ARHGAP21: variants seen among roughly 807,000 people sequenced by gnomAD.
ARHGAP21 encodes the protein Rho GTPase activating protein 21.
A neutral mutation model predicts 164.6 loss-of-function variants in ARHGAP21; 38 were observed. The observed-to-expected ratio is 0.23, with a 90% CI of 0.18 to 0.30. ARHGAP21 has a LOEUF of 0.30. ARHGAP21 is among the 10% of genes least tolerant of loss of function. The pLI is 1.00. For missense variants in ARHGAP21, 1,822 were observed against 2,370.7 expected (o/e 0.77, Z 4.81); for synonymous variants, 766 against 857.9 (o/e 0.89, Z 1.87).
chr10:24,652,565 C>G (rs1036740785), intron 4 of ARHGAP21, among the ~76,000 whole-genome samples: 1 of 152,100 alleles, frequency 6.6e-6, no homozygotes, highest in African/African-American at 2.4e-5. Context: ...GAATTACCTG[C>G]TAATAGTATA....
chr10:24,624,208 C>T (rs192648329), intron 7 of ARHGAP21, among the ~76,000 whole-genome samples: 40 of 151,986 alleles, frequency 2.6e-4, no homozygotes, highest in African/African-American at 9.2e-4. Flanking sequence ...TGAATTCATT[C>T]AAGAACATTT....
intron 2 of ARHGAP21, among the ~76,000 whole-genome samples, chr10:24,708,789 T>C (rs958902371): frequency 1.1e-4 from 16 of 152,238 alleles, no homozygotes; most frequent in Non-Finnish European, 2.4e-4. Flanking sequence ...TAGTATTCCA[T>C]GAATAGTCTT....
At chr10:24,615,353 G>A (rs947317016) in intron 9 of ARHGAP21, among the ~76,000 whole-genome samples, 1 of 152,146 alleles carries the variant, frequency 6.6e-6, no homozygotes, top group Non-Finnish European at 1.5e-5. Flanking sequence ...ATTTAGCTTA[G>A]GCTAACCCTC....
rs1364979625 is a variant in ARHGAP21 at position 24,600,579 on chromosome 10, C to A, written c.3132+67G>T. ...TTTTATAAAAATGATATATCATATT[C>A]CTTAGATCTTTGTAAGAAAGTGTTG... On this transcript the variant is annotated intron_variant, in intron 14 of 25. Transcript: ENST00000396432. The A allele has an allele frequency of 3.9e-6, 6 of 1,534,442 alleles. No homozygotes were observed. In the Admixed American group the frequency reaches 1.2e-4, roughly 30 times the overall value.
intron 9 of ARHGAP21, among the ~76,000 whole-genome samples, 161 bp downstream of exon 9, chr10:24,619,312 G>T (rs908722362): frequency 6.6e-6 from 1 of 151,958 alleles, no homozygotes; most frequent in East Asian, 1.9e-4. Flanking sequence ...TTTTAAAGAG[G>T]TTTGTGAAAG....
At chr10:24,697,625 AGTGG>A (rs1328855896) in intron 2 of ARHGAP21, among the ~76,000 whole-genome samples, 2 of 152,050 alleles carry the variant, frequency 1.3e-5, no homozygotes, top group African/African-American at 4.8e-5. Context: ...GGGAGGCCGA[AGTGG>A]GTGGATCACT....
At position 24,584,614 on chromosome 10, in the gene ARHGAP21, A is replaced by C. The variant is rs756431169; in HGVS notation, c.5675T>G (p.Leu1892Arg). The C allele has an allele frequency of 1.9e-6, 3 of 1,613,900 alleles. No homozygotes were observed. In the Admixed American group the frequency reaches 5.0e-5, roughly 27 times the overall value. ...EIATTDTPLSLHCNTGSSSST... is the reference protein window; with the variant it reads ...EIATTDTPLSRHCNTGSSSST... ...GGAAGAACTGCCTGTGTTGCAATGA[A>C]GAGACAAAGGTGTGTCGGTCGTGGC... is the stretch of plus-strand genomic sequence containing the variant. The change falls in exon 26 of 26, where the codon CTT (leucine) becomes CGT (arginine). Residue 1892 changes from leucine (L) to arginine (R), a missense_variant. By Grantham distance (102) the Leu-to-Arg change is moderately radical (BLOSUM62 -2). Transcript: ENST00000396432.
rs138740021 is a variant in ARHGAP21, at chr10:24,599,696, TTCA to T, written c.3132+947_3132+949del. Reference sequence around the variant, plus strand: ...AAGAAAATACTTGAGCAACTGCTACTTCATCATTGCTAGATTTGCTTGATAAAG... The same window carrying T: ...AAGAAAATACTTGAGCAACTGCTACTTCATTGCTAGATTTGCTTGATAAAG... On this transcript the variant is annotated intron_variant, in intron 14 of 25. Coordinates refer to ENST00000396432, the MANE Select transcript of ARHGAP21 (RefSeq NM_020824.4). Among the ~76,000 whole-genome samples, 233 of 152,336 alleles carry T rather than the reference TTCA, an allele frequency of 1.5e-3. 5 individuals are homozygous for T. In the East Asian group the frequency reaches 0.038, roughly 25 times the overall value.
chr10:24,595,094 C>T (rs2130824042), intron 20 of ARHGAP21, 23 bp downstream of exon 20: 2 of 1,607,326 alleles, frequency 1.2e-6, no homozygotes, highest in Non-Finnish European at 1.7e-6. Flanking sequence ...GTTGTATCCC[C>T]CAAAATATAA....
At chr10:24,594,838 G>C in intron 21 of ARHGAP21, 112 bp downstream of exon 21, 1 of 811,786 alleles carries the variant, frequency 1.2e-6, no homozygotes, top group Non-Finnish European at 1.8e-6. Flanking sequence ...GACTTACCCA[G>C]TTTGATGTTG....
At chr10:24,695,626 G>A (rs1314621698) in intron 2 of ARHGAP21, among the ~76,000 whole-genome samples, 1 of 151,860 alleles carries the variant, frequency 6.6e-6, no homozygotes, top group African/African-American at 2.4e-5. Flanking sequence ...TCCAAGATTA[G>A]GTTACAAAGC....
chr10:24,647,703 T>C (rs769491874), intron 4 of ARHGAP21, among the ~76,000 whole-genome samples: 9 of 152,222 alleles, frequency 5.9e-5, no homozygotes, highest in Non-Finnish European at 1.2e-4. Flanking sequence ...AGGTACTTAC[T>C]AGGCACTGAA....
chr10:24,631,583 G>C (rs1835859450), intron 6 of ARHGAP21, among the ~76,000 whole-genome samples: 1 of 152,142 alleles, frequency 6.6e-6, no homozygotes, highest in Non-Finnish European at 1.5e-5. Context: ...TAAATGCTCA[G>C]ATTATACTAA....
chr10:24,633,697 A>C (rs965411562), intron 5 of ARHGAP21, among the ~76,000 whole-genome samples: 2 of 152,046 alleles, frequency 1.3e-5, no homozygotes, highest in African/African-American at 4.8e-5. Context: ...AAGTAAATAC[A>C]TTTTAATATA....
At chr10:24,601,019 C>T in intron 13 of ARHGAP21, 89 bp from the exon 14 acceptor site, 1 of 1,438,698 alleles carries the variant, frequency 7.0e-7, no homozygotes, top group Non-Finnish European at 9.5e-7. Context: ...CCTTCCTCTG[C>T]ATTTACATAT....
chr10:24,593,293 A>G (rs897969397), intron 21 of ARHGAP21, among the ~76,000 whole-genome samples: 3 of 152,168 alleles, frequency 2.0e-5, no homozygotes, highest in African/African-American at 7.2e-5. Context: ...TGTACTTAAA[A>G]CTGGGCACCC....
At chr10:24,653,944 C>T (rs376051244) in intron 4 of ARHGAP21, among the ~76,000 whole-genome samples, 4 of 152,078 alleles carry the variant, frequency 2.6e-5, no homozygotes, top group Admixed American at 6.5e-5. Flanking sequence ...AGACGACCTA[C>T]ATAATGGAGG....
rs1428916254 is a variant in ARHGAP21 at position 24,633,401 on chromosome 10, C to A, written c.440+1G>T. 6.2e-7 allele frequency: 1 copy of A among 1,600,432 alleles called. No individual in the cohort carries two copies. Among genetic ancestry groups the A allele is most frequent in the Admixed American group, 1.7e-5 (1 of 59,720 alleles). On this transcript the variant is annotated splice_donor_variant, in intron 6 of 25. Coordinates refer to ENST00000396432, the MANE Select transcript of ARHGAP21 (RefSeq NM_020824.4). LOFTEE classifies it high-confidence loss of function. The stretch of plus-strand genomic sequence containing the variant: ...GGGTTTTAATGTTTTAAGACTCTTA[C>A]CTGTTTTGAATTAAAGCAATTACTT...
intron 24 of ARHGAP21, 130 bp from the exon 25 acceptor site, chr10:24,589,432 G>A (rs562306389): frequency 3.7e-5 from 27 of 731,032 alleles, no homozygotes; most frequent in African/African-American, 3.7e-4. Context: ...ATAGAACACA[G>A]TGGATAGTCA....
Sources: gnomAD v4.1 joint callset for allele counts (sites outside exome capture counted in the v4.1 genomes callset) on GRCh38, gnomAD v4.1.1 for gene constraint, MANE v1.5 for transcripts, NCBI Gene and HGNC (gene_info 2026-07-23, HGNC 2026-07-21) for gene names.